Variants in ZNF547 observed in about 807,000 individuals in gnomAD.
ZNF547 encodes the protein zinc finger protein 547.
In ZNF547, 4 loss-of-function variants were observed where a neutral mutation model predicts 7.7. That is an observed-to-expected ratio of 0.52 (90% CI 0.26 to 1.20). The LOEUF (loss-of-function observed/expected upper bound fraction) is 1.20. Among genes scored for constraint, ZNF547 ranks in the 50% most tolerant of loss-of-function variants. The pLI is 0.14. For synonymous variants in ZNF547, 166 were observed against 166.2 expected (o/e 1.00, Z 0.01); for missense variants, 449 against 485.8 (o/e 0.92, Z 0.71).
At chr19:57,370,957 G>GTTT (rs11430895) in intron 2 of ZNF547, 2 of 144,628 alleles carry the variant, frequency 1.4e-5, no homozygotes, top group Non-Finnish European at 1.5e-5. Flanking sequence ...GGGGTTTTTT[G>GTTT]TTTTTTTTTT....
intron 1 of ZNF547, chr19:57,365,162 C>T (rs1338176181): frequency 3.1e-6 from 5 of 1,594,876 alleles, no homozygotes; most frequent in Non-Finnish European, 4.3e-6. Flanking sequence ...ATAAAATTTT[C>T]AATGAATCCA....
chr19:57,368,551 T>A lies in ZNF547; in HGVS notation c.-5T>A, dbSNP rs1265221853. On this transcript the variant is annotated 5_prime_UTR_variant, in exon 2 of 4. Transcript: ENST00000282282. Reference sequence around the variant, plus strand: ...GTTTCCCTCTTCCTTCAGGGTCCCCTGGCGATGGCAGAAATGAACCCTGCA... The same window carrying A: ...GTTTCCCTCTTCCTTCAGGGTCCCCAGGCGATGGCAGAAATGAACCCTGCA... 2.7e-5 allele frequency: 44 copies of A among 1,614,200 alleles called. No homozygotes were observed. The highest frequency in any genetic ancestry group is 3.6e-5 in the Non-Finnish European group (43 of 1,180,010).
rs746675171 is a variant in ZNF547 at position 57,371,841 on chromosome 19, C to T, written c.84C>T (p.Leu28=). 7.9e-5 allele frequency: 128 copies of T among 1,613,662 alleles called. No individual in the cohort carries two copies. The highest frequency in any genetic ancestry group is 1.0e-4 in the Non-Finnish European group (121 of 1,179,810). The change falls in exon 3 of 4, where the codon CTC becomes CTT. Residue 28 remains leucine, a synonymous_variant. Coordinates refer to ENST00000282282, the MANE Select transcript of ZNF547 (RefSeq NM_173631.4). ...IYFSQEEWGH[L]DEAQRLLYRD... ...TCTCCCAGGAGGAGTGGGGGCATCT[C>T]GATGAGGCTCAGAGATTGCTGTACC...
intron 1 of ZNF547, among the ~76,000 whole-genome samples, chr19:57,366,588 C>T (rs1281065261): frequency 2.3e-5 from 3 of 130,246 alleles, no homozygotes; most frequent in Non-Finnish European, 3.1e-5. Context: ...TTTGCTCTGT[C>T]GTCCAGGCTG....
At position 57,377,625 on chromosome 19, in the gene ZNF547, T is replaced by C; in HGVS notation, c.649T>C (p.Cys217Arg). 1 of 1,614,086 alleles carries C rather than the reference T, an allele frequency of 6.2e-7. No individual in the cohort carries two copies. Reference sequence around the variant, plus strand: ...AGAAAGGCCTTATGAGTGCAATGAATGTGGGAAAGCCTTTCTTTGTAAGTC... The same window carrying C: ...AGAAAGGCCTTATGAGTGCAATGAACGTGGGAAAGCCTTTCTTTGTAAGTC... ...TGERPYECNECGKAFLCKSHL... is the reference protein window; with the variant it reads ...TGERPYECNERGKAFLCKSHL... The change falls in exon 4 of 4, where the codon TGT becomes CGT. Residue 217 changes from cysteine (C) to arginine (R), a missense_variant. Physicochemically the swap from Cys to Arg is radical, Grantham distance 180. Coordinates refer to ENST00000282282, the MANE Select transcript of ZNF547 (RefSeq NM_173631.4).
rs750971837 is a variant in ZNF547, at chr19:57,377,536, G to C, written c.560G>C (p.Ser187Thr). ...IHTGERTYKC[S>T]KCGILFMERS... ...ACTGGAGAAAGAACTTATAAGTGCA[G>C]CAAATGTGGGATATTGTTTATGGAA... The change falls in exon 4 of 4, where the codon AGC (serine) becomes ACC (threonine). Residue 187 changes from serine (S) to threonine (T), a missense_variant. Coordinates refer to ENST00000282282, the MANE Select transcript of ZNF547 (RefSeq NM_173631.4). 6.2e-7 allele frequency: 1 copy of C among 1,614,062 alleles called. No individual in the cohort carries two copies. Among genetic ancestry groups the C allele is most frequent in the Admixed American group, 1.7e-5 (1 of 60,002 alleles).
At chr19:57,367,801 A>T (rs1277545637) in intron 1 of ZNF547, among the ~76,000 whole-genome samples, 1 of 152,198 alleles carries the variant, frequency 6.6e-6, no homozygotes, top group Non-Finnish European at 1.5e-5. Context: ...GCTGGGTTCT[A>T]AACTAGGGCA....
chr19:57,372,323 ATCT>A (rs1294272460), intron 3 of ZNF547, among the ~76,000 whole-genome samples: 1 of 152,176 alleles, frequency 6.6e-6, no homozygotes, highest in Admixed American at 6.5e-5. Flanking sequence ...GGATGTAGAA[ATCT>A]TCTGTGAAGT....
chr19:57,375,990 C>T (rs1002040111), intron 3 of ZNF547, among the ~76,000 whole-genome samples: 1 of 152,070 alleles, frequency 6.6e-6, no homozygotes, highest in Admixed American at 6.6e-5. Context: ...TGGTGAAACC[C>T]CATCTCTACT....
chr19:57,366,214 G>A (rs1464360161), intron 1 of ZNF547, among the ~76,000 whole-genome samples: 1 of 146,818 alleles, frequency 6.8e-6, no homozygotes, highest in African/African-American at 2.5e-5. Context: ...GTGTGTGTGT[G>A]TATGTTTTTG....
intron 3 of ZNF547, among the ~76,000 whole-genome samples, chr19:57,372,763 C>T (rs1027579108): frequency 5.9e-5 from 9 of 152,362 alleles, no homozygotes; most frequent in South Asian, 2.1e-4. Flanking sequence ...ATGACCTGTA[C>T]TTAAGGTGAG....
Position 57,373,916 on chromosome 19 carries a change from G to T in ZNF547, c.151+2008G>T, listed in dbSNP as rs901331655. Reference sequence around the variant, plus strand: ...GTGTCTCTGGCTTTTTCAGGCACACGTTGCAAGCTGTTGGTGGATCTACCA... The same window carrying T: ...GTGTCTCTGGCTTTTTCAGGCACACTTTGCAAGCTGTTGGTGGATCTACCA... On this transcript the variant is annotated intron_variant, in intron 3 of 3. Transcript: ENST00000282282. Among the ~76,000 whole-genome samples, 3 of 152,162 alleles carry T rather than the reference G, an allele frequency of 2.0e-5. No individual in the cohort carries two copies. The South Asian group carries it at 6.2e-4, about 32-fold the overall frequency.
chr19:57,368,710 G>A (rs2088486452), intron 2 of ZNF547, 131 bp downstream of exon 2: 1 of 862,332 alleles, frequency 1.2e-6, no homozygotes, highest in African/African-American at 1.7e-5. Context: ...TGAAAAGTGA[G>A]TGATTCCACC....
At chr19:57,365,164 A>T in intron 1 of ZNF547, 1 of 1,595,396 alleles carries the variant, frequency 6.3e-7, no homozygotes, top group Non-Finnish European at 8.5e-7. Flanking sequence ...AAAATTTTCA[A>T]TGAATCCATT....
chr19:57,368,694 T>TA (rs2088486403), intron 2 of ZNF547, 115 bp downstream of exon 2: 1 of 1,012,746 alleles, frequency 9.9e-7, no homozygotes, highest in Admixed American at 2.1e-5. Flanking sequence ...CTCCCTCTCT[T>TA]ATGTCTGAAA....
At chr19:57,366,485 C>T (rs2088470684) in intron 1 of ZNF547, among the ~76,000 whole-genome samples, 1 of 151,504 alleles carries the variant, frequency 6.6e-6, no homozygotes, top group Admixed American at 6.6e-5. Flanking sequence ...GCTGGGATTA[C>T]AGGTGTGAGC....
Position 57,378,315 on chromosome 19 carries a change from C to T in ZNF547, c.*130C>T, listed in dbSNP as rs2088552625. 7.2e-6 allele frequency: 6 copies of T among 829,990 alleles called. No individual in the cohort carries two copies. The Admixed American group carries it at 8.5e-5, about 12-fold the overall frequency. 51.4% of individuals were successfully genotyped at this position (829,990 alleles called of 1,614,324 possible). ...GGGTAATTATGTAGGTACAGCTCTC[C>T]AGTCGCTATGTATCAGAGAATTCAC... On this transcript the variant is annotated 3_prime_UTR_variant, in exon 4 of 4. Coordinates refer to ENST00000282282, the MANE Select transcript of ZNF547 (RefSeq NM_173631.4).
intron 2 of ZNF547, among the ~76,000 whole-genome samples, chr19:57,370,806 A>G (rs1289216578): frequency 6.6e-6 from 1 of 152,112 alleles, no homozygotes; most frequent in Non-Finnish European, 1.5e-5. Flanking sequence ...CAATGTCAAT[A>G]TGGAGAGAAA....
rs2088560171 is a variant in ZNF547 at position 57,379,431 on chromosome 19, G to A, written c.*1246G>A. 1 of 152,140 alleles carries A rather than the reference G, an allele frequency of 6.6e-6. No homozygotes were observed. Among genetic ancestry groups the A allele is most frequent in the South Asian group, 2.1e-4 (1 of 4,828 alleles). The allele number at this position is 152,140 out of a possible 1,614,324, so 9.4% of individuals were successfully genotyped here. A position where few individuals can be genotyped will look rare whatever the true frequency, so the allele number is the denominator to read the frequency against. On this transcript the variant is annotated 3_prime_UTR_variant, in exon 4 of 4. Transcript: ENST00000282282. The stretch of plus-strand genomic sequence containing the variant: ...TATCCCATTTTTATAACAATGCAGA[G>A]CTTCTCTGTAAATACCCCTTGTTTC...
Sources: gnomAD v4.1 joint callset for allele counts (sites outside exome capture counted in the v4.1 genomes callset) on GRCh38, gnomAD v4.1.1 for gene constraint, MANE v1.5 for transcripts, NCBI Gene and HGNC (gene_info 2026-07-23, HGNC 2026-07-21) for gene names.